Variants in ZFHX3 observed in about 807,000 individuals in gnomAD.
The protein encoded by ZFHX3 is zinc finger homeobox 3.
ZFHX3 carries 42 observed loss-of-function variants against 279.1 expected under a neutral mutation model. The observed-to-expected ratio is 0.15, with a 90% confidence interval of 0.12 to 0.19. ZFHX3 has a LOEUF of 0.19. Ranked by LOEUF, ZFHX3 falls within the 10% of genes least tolerant of loss-of-function variation. The pLI is 1.00. For synonymous variants in ZFHX3, 2,293 were observed against 1,957.8 expected, an observed-to-expected ratio of 1.17 and a Z score of -4.52; for missense variants, 4,981 against 4,754.0, an observed-to-expected ratio of 1.05 and a Z score of -1.40.
At chr16:73,777,239 C>T (rs1424931199) in intron 1 of ZFHX3, among the ~76,000 whole-genome samples, 1 of 152,122 alleles carries the variant, frequency 6.6e-6, no homozygotes, top group African/African-American at 2.4e-5. Flanking sequence ...CACGGTGGCT[C>T]ATGCCTGTAA....
At chr16:73,057,458 C>T (rs1166284577) in intron 1 of ZFHX3, among the ~76,000 whole-genome samples, 1 of 150,202 alleles carries the variant, frequency 6.7e-6, no homozygotes, top group Non-Finnish European at 1.5e-5. Context: ...TTCAGGAACA[C>T]GGTTTTTGCA....
intron 3 of ZFHX3, among the ~76,000 whole-genome samples, chr16:72,902,598 T>C (rs1435392546): frequency 6.6e-6 from 1 of 152,212 alleles, no homozygotes; most frequent in Non-Finnish European, 1.5e-5. Flanking sequence ...CACTGAAGAC[T>C]TTTCCCTCCT....
intron 2 of ZFHX3, among the ~76,000 whole-genome samples, chr16:73,601,118 C>A (rs2052110146): frequency 6.6e-6 from 1 of 151,702 alleles, no homozygotes; most frequent in South Asian, 2.1e-4. Flanking sequence ...GCATATACTG[C>A]CTTGGGTCAT....
intron 1 of ZFHX3, among the ~76,000 whole-genome samples, chr16:73,751,400 C>T (rs1477114747): frequency 2.0e-5 from 3 of 152,040 alleles, no homozygotes; most frequent in South Asian, 2.1e-4. Context: ...TTTAAGAAAC[C>T]GTGTCATCAT....
chr16:73,865,912 G>A (rs1237595642), intron 1 of ZFHX3, among the ~76,000 whole-genome samples: 1 of 152,084 alleles, frequency 6.6e-6, no homozygotes, highest in African/African-American at 2.4e-5. Context: ...GTGAACCCGG[G>A]AGGCAGAGCT....
upstream of ZFHX3, among the ~76,000 whole-genome samples, chr16:73,059,957 A>G (rs1965659602): frequency 6.6e-6 from 1 of 152,180 alleles, no homozygotes; most frequent in African/African-American, 2.4e-5. Context: ...AAAGACAAGA[A>G]AAGGAAAAGT....
chr16:73,555,516 G>C (rs1361978195), intron 2 of ZFHX3, among the ~76,000 whole-genome samples: 3 of 151,198 alleles, frequency 2.0e-5, no homozygotes, highest in Non-Finnish European at 4.4e-5. Context: ...GGGATTTCAG[G>C]AAGTACTGTA....
At chr16:73,616,663 G>T (rs1372368153) in intron 2 of ZFHX3, among the ~76,000 whole-genome samples, 2 of 151,864 alleles carry the variant, frequency 1.3e-5, no homozygotes, top group Non-Finnish European at 2.9e-5. Flanking sequence ...TGTAAATATT[G>T]GTTTACTTCA....
intron 1 of ZFHX3, among the ~76,000 whole-genome samples, chr16:73,053,131 C>T (rs746700388): frequency 2.6e-5 from 4 of 152,090 alleles, no homozygotes; most frequent in Non-Finnish European, 2.9e-5. Flanking sequence ...TAGAGGAAAG[C>T]CTTTGGGGCC....
chr16:73,674,311 C>G (rs1371172064), intron 2 of ZFHX3, among the ~76,000 whole-genome samples: 1 of 152,042 alleles, frequency 6.6e-6, no homozygotes, highest in African/African-American at 2.4e-5. Context: ...CTGTTCACAA[C>G]CAAAAATGCA....
Position 73,853,257 on chromosome 16 carries a change from A to G in ZFHX3, c.-1608+38394T>C, listed in dbSNP as rs184325847. Among the ~76,000 whole-genome samples the G allele has an allele frequency of 2.1e-3, 320 of 152,368 alleles. 2 individuals are homozygous for G. The highest frequency in any genetic ancestry group is 7.4e-3 in the African/African-American group (307 of 41,592). On this transcript the variant is annotated intron_variant, in intron 1 of 17. Coordinates refer to the ZFHX3 transcript ENST00000641206. ...GTAAATTAGTTCAAACTCGATGGAC[A>G]ACAATACAGAGATTTCTCAAAGAAC...
rs115110426 is a variant in ZFHX3, at chr16:72,864,206, C to G, written c.3448+25525G>C. On this transcript the variant is annotated intron_variant, in intron 4 of 9. Transcript: ENST00000268489. Reference sequence around the variant, plus strand: ...ACCCATCTTATGTTTGATTTTAATTCTTTACCTGACCCTTATATTTTTTTC... The same window carrying G: ...ACCCATCTTATGTTTGATTTTAATTGTTTACCTGACCCTTATATTTTTTTC... Among the ~76,000 whole-genome samples the G allele has an allele frequency of 3.4e-3, 515 of 152,266 alleles. 6 individuals carry two copies. The highest frequency in any genetic ancestry group is 0.012 in the African/African-American group (503 of 41,568).
chr16:72,934,882 T>C (rs188219282), intron 3 of ZFHX3, among the ~76,000 whole-genome samples: 2 of 152,302 alleles, frequency 1.3e-5, no homozygotes, highest in African/African-American at 2.4e-5. Flanking sequence ...TAAAGGCCCC[T>C]GGGCTAAGAG....
At chr16:73,850,444 T>C (rs767370080) in intron 1 of ZFHX3, among the ~76,000 whole-genome samples, 5 of 152,220 alleles carry the variant, frequency 3.3e-5, no homozygotes, top group African/African-American at 4.8e-5. Context: ...GTCTGTCTCA[T>C]GTCTGATTTC....
chr16:73,240,548 CAACT>C (rs2013090706), intron 5 of ZFHX3, among the ~76,000 whole-genome samples: 1 of 152,072 alleles, frequency 6.6e-6, no homozygotes, highest in African/African-American at 2.4e-5. Context: ...ACAAAATCAC[CAACT>C]AAGAGCACAA....
At position 72,794,451 on chromosome 16, in the gene ZFHX3, T is replaced by C. The variant is rs569105061; in HGVS notation, c.8231A>G (p.Asn2744Ser). 1.9e-6 allele frequency: 3 copies of C among 1,614,090 alleles called. No homozygotes were observed. The highest frequency in any genetic ancestry group is 2.7e-5 in the African/African-American group (2 of 75,032). ...TAAGAGCATCGCAGACAGAGTTAGG[T>C]TGTAGCCAGCTCTCTTGGCTTCATG... ...HWHEAKRAGY[N>S]LTLSAMLLDC... Residue 2744 changes from asparagine (N) to serine (S), a missense_variant, in exon 9 of 10, where the codon AAC becomes AGC. Physicochemically the swap from Asn to Ser is conservative, Grantham distance 46. This residue lies in a region of ZFHX3 where 744 missense variants were observed against 701.3 expected (regional missense o/e 1.06). Transcript: ENST00000268489. This position sits in a 1 kb window ranked among gnomAD's most constrained non-coding sequence, Gnocchi z 4.2.
intron 3 of ZFHX3, among the ~76,000 whole-genome samples, chr16:73,450,471 T>A (rs574979953): frequency 6.6e-5 from 10 of 152,334 alleles, no homozygotes; most frequent in African/African-American, 2.4e-4. Context: ...AAAAAGTCAT[T>A]ATTCCATAAA....
At chr16:73,166,503 G>A (rs546239266) in intron 5 of ZFHX3, among the ~76,000 whole-genome samples, 2 of 152,142 alleles carry the variant, frequency 1.3e-5, no homozygotes, top group Non-Finnish European at 2.9e-5. Context: ...CAAGAGAGCA[G>A]TCAACTCAGC....
rs546967679 is a variant in ZFHX3, at chr16:73,650,923, A to G, written c.-1547+29257T>C. On this transcript the variant is annotated intron_variant, in intron 2 of 17. Transcript: ENST00000641206. ...AAAGAACAACTATGTCAGGAAGAAA[A>G]ATAGAAAAAGACAAATGACCAAAAC... Among the ~76,000 whole-genome samples, 4 of 152,328 alleles carry G rather than the reference A, an allele frequency of 2.6e-5. No homozygotes were observed. In the South Asian group the frequency reaches 8.3e-4, roughly 32 times the overall value.
Sources: gnomAD v4.1 joint callset for allele counts (sites outside exome capture counted in the v4.1 genomes callset) on GRCh38, gnomAD v4.1.1 for gene constraint, gnomAD v4.1.1 regional missense constraint, Gnocchi (gnomAD v3.1) non-coding constraint, MANE v1.5 for transcripts, NCBI Gene and HGNC (gene_info 2026-07-23, HGNC 2026-07-21) for gene names.